The following S100A7A variants were observed in gnomAD, a reference collection of about 807,000 sequenced individuals.
S100A7A encodes protein S100-A7A.
S100A7A carries 5 observed loss-of-function variants against 4.0 expected under a neutral mutation model. The observed-to-expected ratio is 1.26, with a 90% CI of 0.66 to 2.66. The LOEUF (loss-of-function observed/expected upper bound fraction) is 2.66, where lower values mean the gene tolerates loss of function less well. S100A7A is among the 30% of genes most tolerant of loss of function. The pLI is 0.01. For missense variants in S100A7A, 159 were observed against 125.1 expected (o/e 1.27, Z -1.29); for synonymous variants, 52 against 46.4 (o/e 1.12, Z -0.49).
rs1473825085 is a variant in S100A7A at position 153,422,622 on chromosome 1, G to A, written c.*3313G>A. 5.7e-6 allele frequency: 4 copies of A among 699,154 alleles called. No individual in the cohort carries two copies. The highest frequency in any genetic ancestry group is 7.0e-6 in the Non-Finnish European group (4 of 569,338). The allele number at this position is 699,154 out of a possible 1,614,324, so 43.3% of individuals were successfully genotyped here. On this transcript the variant is annotated 3_prime_UTR_variant, in exon 3 of 3. Transcript: ENST00000368729. The stretch of plus-strand genomic sequence containing the variant: ...TTTTTTTCAGGCGCAGTCTCACTCT[G>A]TCGCCCGGGCTGGAGTGCTGTGAGC...
intron 2 of S100A7A, among the ~76,000 whole-genome samples, chr1:153,418,621 G>T (rs1465786826): frequency 2.0e-5 from 3 of 152,082 alleles, no homozygotes; most frequent in African/African-American, 7.2e-5. Context: ...GAAATCAATA[G>T]CCCTCTTTGC....
At chr1:153,418,850 C>A (rs1487177525) in intron 2 of S100A7A, among the ~76,000 whole-genome samples, 8 of 152,118 alleles carry the variant, frequency 5.3e-5, no homozygotes, top group Non-Finnish European at 7.4e-5. Flanking sequence ...TGGGAACAGG[C>A]AAGATTGAGG....
chr1:153,420,522 G>A lies in S100A7A; in HGVS notation c.*1213G>A, dbSNP rs901705253. 1.3e-5 allele frequency: 2 copies of A among 152,250 alleles called. No individual in the cohort carries two copies. Among genetic ancestry groups the A allele is most frequent in the Non-Finnish European group, 2.9e-5 (2 of 68,102 alleles). 9.4% of individuals were successfully genotyped at this position (152,250 alleles called of 1,614,324 possible). A position where few individuals can be genotyped will look rare whatever the true frequency, so the allele number is the denominator to read the frequency against. ...CAAAAATTCTCTTTCCATCCTACCA[G>A]CAGCAGTGTGTAAGATGGGCTATTT... is the stretch of plus-strand genomic sequence containing the variant. On this transcript the variant is annotated 3_prime_UTR_variant, in exon 3 of 3. Coordinates refer to ENST00000368729, the MANE Select transcript of S100A7A (RefSeq NM_176823.4).
rs553151413 is a variant in S100A7A, at chr1:153,417,446, A to C, written c.-17-620A>C. Reference sequence around the variant, plus strand: ...GTAACAGAGGCAATTCTTGTTTCTCATTCCCAAGGGAATGTAGGAAGGGCC... The same window carrying C: ...GTAACAGAGGCAATTCTTGTTTCTCCTTCCCAAGGGAATGTAGGAAGGGCC... On this transcript the variant is annotated intron_variant, in intron 1 of 2. Coordinates refer to ENST00000368729, the MANE Select transcript of S100A7A (RefSeq NM_176823.4). 2.0e-5 allele frequency among the ~76,000 whole-genome samples: 3 copies of C among 152,258 alleles called. No homozygotes were observed. In the East Asian group the frequency reaches 5.8e-4, roughly 29 times the overall value.
chr1:153,422,680 T>A lies in S100A7A; in HGVS notation c.*3371T>A, dbSNP rs959591922. 2 of 173,246 alleles carry A rather than the reference T, an allele frequency of 1.2e-5. No individual in the cohort carries two copies. The highest frequency in any genetic ancestry group is 2.3e-5 in the Non-Finnish European group (2 of 87,498). The allele number at this position is 173,246 out of a possible 1,614,324, so 10.7% of individuals were successfully genotyped here. A position where few individuals can be genotyped will look rare whatever the true frequency, so the allele number is the denominator to read the frequency against. On this transcript the variant is annotated 3_prime_UTR_variant, in exon 3 of 3. Coordinates refer to ENST00000368729, the MANE Select transcript of S100A7A (RefSeq NM_176823.4). ...GGTGCTGAATTCACTGTGACGTCAC[T>A]CCTGTCTCTCTTTGCTTTCTTCTGA... is the stretch of plus-strand genomic sequence containing the variant.
In S100A7A at chr1:153,417,967, G is replaced by A. The variant is rs114988489; in HGVS notation, c.-17-99G>A. The A allele has an allele frequency of 1.0e-3, 1,502 of 1,436,412 alleles. 17 individuals are homozygous for A. In the African/African-American group the frequency reaches 0.017, roughly 16 times the overall value. The allele number at this position is 1,436,412 out of a possible 1,614,324, so 89.0% of individuals were successfully genotyped here. A position where few individuals can be genotyped will look rare whatever the true frequency, so the allele number is the denominator to read the frequency against. On this transcript the variant is annotated intron_variant, in intron 1 of 2. Transcript: ENST00000368729. ...ATCAAGTTCCTTCTGCTCCATCTTA[G>A]GGCTGTTTTTACTCTGTCCTCAGCC...
chr1:153,420,866 C>G lies in S100A7A; in HGVS notation c.*1557C>G, dbSNP rs2101628646. ...CTCCATCATCCACCCCAGAATTGCTCTCTTTCCTCTCTTAGCTCTGTTGCC... is the reference window on the plus strand; with the variant it reads ...CTCCATCATCCACCCCAGAATTGCTGTCTTTCCTCTCTTAGCTCTGTTGCC... On this transcript the variant is annotated 3_prime_UTR_variant, in exon 3 of 3. Transcript: ENST00000368729. 1 of 152,492 alleles carries G rather than the reference C, an allele frequency of 6.6e-6. No individual in the cohort carries two copies. The highest frequency in any genetic ancestry group is 1.9e-4 in the East Asian group (1 of 5,186). The allele number at this position is 152,492 out of a possible 1,614,324, so 9.4% of individuals were successfully genotyped here.
chr1:153,418,192 A>C lies in S100A7A; in HGVS notation c.110A>C (p.Lys37Thr). The change falls in exon 2 of 3, where the codon AAG (lysine) becomes ACG (threonine). Residue 37 changes from lysine (K) to threonine (T), a missense_variant. Lys to Thr is a moderately conservative substitution (Grantham distance 78). Transcript: ENST00000368729. ...IEKPSLLTMM[K>T]ENFPNFLSAC... is the part of the protein sequence containing the mutation. ...AAGCCAAGCCTGCTGACGATGATGA[A>C]GGAGAACTTCCCCAATTTCCTCAGT... The C allele has an allele frequency of 6.2e-7, 1 of 1,613,992 alleles. No homozygotes were observed. Among genetic ancestry groups the C allele is most frequent in the Non-Finnish European group, 8.5e-7 (1 of 1,179,890 alleles).
rs145048286 is a variant in S100A7A at position 153,418,208 on chromosome 1, T to C, written c.126T>C (p.Asn42=). 2.4e-4 allele frequency: 395 copies of C among 1,613,972 alleles called. 1 individual carries two copies. The highest frequency in any genetic ancestry group is 1.4e-3 in the African/African-American group (105 of 75,046). Residue 42 remains asparagine (N), a synonymous_variant, in exon 2 of 3, where the codon AAT becomes AAC. Coordinates refer to ENST00000368729, the MANE Select transcript of S100A7A (RefSeq NM_176823.4). ...CGATGATGAAGGAGAACTTCCCCAA[T>C]TTCCTCAGTGCCTGTGTGAGTTGGG... ...LLTMMKENFP[N]FLSACDKKGI...
chr1:153,416,822 T>C (rs1468893587), intron 1 of S100A7A, among the ~76,000 whole-genome samples: 7 of 152,242 alleles, frequency 4.6e-5, no homozygotes, highest in Non-Finnish European at 7.3e-5. Flanking sequence ...CAGTGGGACC[T>C]GAGCACAGGA....
rs1662927317 is a variant in S100A7A at position 153,422,640 on chromosome 1, C to T, written c.*3331C>T. ...TCACTCTGTCGCCCGGGCTGGAGTG[C>T]TGTGAGCTGTCCGTGGTGCTGAATT... On this transcript the variant is annotated 3_prime_UTR_variant, in exon 3 of 3. Transcript: ENST00000368729. 3 of 404,076 alleles carry T rather than the reference C, an allele frequency of 7.4e-6. No homozygotes were observed. Among genetic ancestry groups the T allele is most frequent in the Non-Finnish European group, 1.0e-5 (3 of 299,096 alleles). The allele number at this position is 404,076 out of a possible 1,614,324, so 25.0% of individuals were successfully genotyped here. A position where few individuals can be genotyped will look rare whatever the true frequency, so the allele number is the denominator to read the frequency against.
In S100A7A at chr1:153,422,663, A is replaced by C. The variant is rs1441864819; in HGVS notation, c.*3354A>C. ...TGCTGTGAGCTGTCCGTGGTGCTGA[A>C]TTCACTGTGACGTCACTCCTGTCTC... On this transcript the variant is annotated 3_prime_UTR_variant, in exon 3 of 3. Coordinates refer to ENST00000368729, the MANE Select transcript of S100A7A (RefSeq NM_176823.4). The C allele has an allele frequency of 4.7e-6, 1 of 214,678 alleles. No individual in the cohort carries two copies. The highest frequency in any genetic ancestry group is 6.5e-5 in the Admixed American group (1 of 15,346). The allele number at this position is 214,678 out of a possible 1,614,324, so 13.3% of individuals were successfully genotyped here.
At position 153,418,224 on chromosome 1, in the gene S100A7A, G is replaced by C; in HGVS notation, c.141+1G>C. On this transcript the variant is annotated splice_donor_variant, in intron 2 of 2. Transcript: ENST00000368729. LOFTEE classifies it high-confidence loss of function. ...CTTCCCCAATTTCCTCAGTGCCTGT[G>C]TGAGTTGGGGTCTAGCTTCTCAATG... The C allele has an allele frequency of 1.2e-6, 2 of 1,613,974 alleles. No homozygotes were observed. The highest frequency in any genetic ancestry group is 1.7e-6 in the Non-Finnish European group (2 of 1,179,886).
intron 2 of S100A7A, among the ~76,000 whole-genome samples, chr1:153,418,539 C>A (rs2101626665): frequency 6.6e-6 from 1 of 152,278 alleles, no homozygotes; most frequent in Non-Finnish European, 1.5e-5. Flanking sequence ...ATGCTCAGGT[C>A]CTGCTTCCCA....
At position 153,419,090 on chromosome 1, in the gene S100A7A, C is replaced by T. The variant is rs907792765; in HGVS notation, c.142-55C>T. The T allele has an allele frequency of 2.5e-6, 4 of 1,588,476 alleles. No homozygotes were observed. In the African/African-American group the frequency reaches 4.0e-5, roughly 16 times the overall value. On this transcript the variant is annotated intron_variant, in intron 2 of 2. Coordinates refer to ENST00000368729, the MANE Select transcript of S100A7A (RefSeq NM_176823.4). ...TCTGCCTCCTCCTCTCCCCTCCCAG[C>T]CCAAAACTTGTTTGTGATTGAATTT...
rs968507596 is a variant in S100A7A, at chr1:153,421,528, T to A, written c.*2219T>A. ...TGTGCAAATTCTAGTCAATACTACT[T>A]TATGTAAACAGCAGTGTAAAATCCA... On this transcript the variant is annotated 3_prime_UTR_variant, in exon 3 of 3. Transcript: ENST00000368729. The A allele has an allele frequency of 1.3e-5, 2 of 152,216 alleles. No individual in the cohort carries two copies. The highest frequency in any genetic ancestry group is 4.8e-5 in the African/African-American group (2 of 41,446). The allele number at this position is 152,216 out of a possible 1,614,324, so 9.4% of individuals were successfully genotyped here.
rs1036247654 is a variant in S100A7A at position 153,420,601 on chromosome 1, C to T, written c.*1292C>T. The T allele has an allele frequency of 6.6e-5, 10 of 152,356 alleles. No homozygotes were observed. Among genetic ancestry groups the T allele is most frequent in the African/African-American group, 2.4e-4 (10 of 41,444 alleles). The allele number at this position is 152,356 out of a possible 1,614,324, so 9.4% of individuals were successfully genotyped here. A position where few individuals can be genotyped will look rare whatever the true frequency, so the allele number is the denominator to read the frequency against. On this transcript the variant is annotated 3_prime_UTR_variant, in exon 3 of 3. Coordinates refer to ENST00000368729, the MANE Select transcript of S100A7A (RefSeq NM_176823.4). ...ACTCACACCTCTATTCACAGACCAG[C>T]ATCTCCTCTCCTTATCAGGAACATT...
chr1:153,422,505 T>G lies in S100A7A; in HGVS notation c.*3196T>G, dbSNP rs1397625398. 1 of 984,910 alleles carries G rather than the reference T, an allele frequency of 1.0e-6. No individual in the cohort carries two copies. The highest frequency in any genetic ancestry group is 1.2e-6 in the Non-Finnish European group (1 of 829,542). The allele number at this position is 984,910 out of a possible 1,614,324, so 61.0% of individuals were successfully genotyped here. A position where few individuals can be genotyped will look rare whatever the true frequency, so the allele number is the denominator to read the frequency against. On this transcript the variant is annotated 3_prime_UTR_variant, in exon 3 of 3. Transcript: ENST00000368729. ...AGAGAAAGAATACTTGACAGCTCTA[T>G]GCCCACACTCACATTACAGCTGATG...
rs1662823022 is a variant in S100A7A at position 153,419,146 on chromosome 1, A to G, written c.143A>G (p.Asp48Gly). 2 of 1,613,648 alleles carry G rather than the reference A, an allele frequency of 1.2e-6. No individual in the cohort carries two copies. Among genetic ancestry groups the G allele is most frequent in the Non-Finnish European group, 1.7e-6 (2 of 1,179,852 alleles). Residue 48 changes from aspartate to glycine, a missense_variant and splice_region_variant, in exon 3 of 3, where the codon GAC (aspartate) becomes GGC (glycine). Physicochemically the swap from Asp to Gly is moderately conservative, Grantham distance 94. Coordinates refer to ENST00000368729, the MANE Select transcript of S100A7A (RefSeq NM_176823.4). ...TTTTGTATGTTTTTCTCTTCACAGG[A>G]CAAAAAGGGCATACATTACCTCGCC... ...ENFPNFLSAC[D>G]KKGIHYLATV...
Sources: gnomAD v4.1 joint callset for allele counts (sites outside exome capture counted in the v4.1 genomes callset) on GRCh38, gnomAD v4.1.1 for gene constraint, MANE v1.5 for transcripts, NCBI Gene and HGNC (gene_info 2026-07-23, HGNC 2026-07-21) for gene names.